KMO: variants seen among roughly 807,000 people sequenced by gnomAD.
KMO encodes kynurenine 3-hydroxylase.
A neutral mutation model predicts 57.8 loss-of-function variants in KMO; 24 were observed. The ratio of observed to expected loss-of-function variants is 0.42; its 90% CI spans 0.30 to 0.58. The LOEUF (loss-of-function observed/expected upper bound fraction) is 0.58. Ranked by LOEUF, KMO falls within the 20% of genes least tolerant of loss-of-function variation. KMO has a pLI of 0.22. For synonymous variants in KMO, 210 were observed against 193.6 expected (o/e 1.08, Z -0.70); for missense variants, 483 against 588.2 (o/e 0.82, Z 1.85).
At chr1:241,589,589 A>T (rs1402978357) in intron 12 of KMO, among the ~76,000 whole-genome samples, 1 of 152,214 alleles carries the variant, frequency 6.6e-6, no homozygotes, top group Non-Finnish European at 1.5e-5. Flanking sequence ...GCTACGACAC[A>T]GTATCTGTCC....
chr1:241,582,895 C>T (rs527584529), intron 10 of KMO, among the ~76,000 whole-genome samples: 9 of 152,218 alleles, frequency 5.9e-5, no homozygotes, highest in African/African-American at 1.9e-4. Flanking sequence ...ACATTCTTGG[C>T]TTGTTTGTAC....
chr1:241,579,581 T>A (rs981265093), intron 10 of KMO, among the ~76,000 whole-genome samples: 1 of 152,080 alleles, frequency 6.6e-6, no homozygotes, highest in Non-Finnish European at 1.5e-5. Flanking sequence ...AAGGCAGGTC[T>A]TACACCCACA....
intron 5 of KMO, among the ~76,000 whole-genome samples, chr1:241,557,139 C>G (rs1024153650): frequency 1.3e-5 from 2 of 151,742 alleles, no homozygotes; most frequent in Non-Finnish European, 2.9e-5. Context: ...TAAATAGAAC[C>G]CTGAAGTTGT....
At chr1:241,567,891 T>C (rs1324879548) in intron 9 of KMO, among the ~76,000 whole-genome samples, 1 of 152,232 alleles carries the variant, frequency 6.6e-6, no homozygotes, top group East Asian at 1.9e-4. Context: ...ATTTGTCTAC[T>C]TAGAGCTTCC....
intron 1 of KMO, among the ~76,000 whole-genome samples, chr1:241,543,521 C>T (rs1352952209): frequency 2.6e-5 from 4 of 152,064 alleles, no homozygotes; most frequent in Admixed American, 1.3e-4. Context: ...GATAGTCATT[C>T]GGGCTATTCC....
chr1:241,588,890 T>C (rs534011762), intron 12 of KMO, 60 bp downstream of exon 12: 69 of 1,278,444 alleles, frequency 5.4e-5, no homozygotes, highest in Non-Finnish European at 7.4e-5. Flanking sequence ...TAACAAGTGT[T>C]CTTTTCTTTT....
At chr1:241,534,248 A>C (rs767430206) in intron 1 of KMO, among the ~76,000 whole-genome samples, 2 of 152,216 alleles carry the variant, frequency 1.3e-5, no homozygotes, top group Non-Finnish European at 2.9e-5. Context: ...ACGTTAGCTC[A>C]AGACTTGGAC....
chr1:241,590,034 G>C lies in KMO; in HGVS notation c.1121G>C (p.Ser374Thr). Residue 374 changes from serine to threonine, a missense_variant, in exon 13 of 15, where the codon AGC becomes ACC. Around this residue, in one of 3 missense-constraint regions of KMO, gnomAD observed 410 missense variants for 492.3 expected, o/e 0.83. Coordinates refer to ENST00000366559, the MANE Select transcript of KMO (RefSeq NM_003679.5). ...YIEMRAHVNS[S>T]WFIFQKNMER... ...CAGATGCGAGCACATGTCAACTCAA[G>C]CTGGTTCATTTTTCAGAAGAACATG... The C allele has an allele frequency of 6.2e-7, 1 of 1,613,954 alleles. No individual in the cohort carries two copies. The highest frequency in any genetic ancestry group is 8.5e-7 in the Non-Finnish European group (1 of 1,179,888).
chr1:241,549,552 T>C, intron 2 of KMO, 125 bp from the exon 3 acceptor site: 1 of 465,196 alleles, frequency 2.1e-6, no homozygotes, highest in East Asian at 3.3e-5. Flanking sequence ...GCATTTTCTT[T>C]AGAAGAGTTA....
intron 14 of KMO, among the ~76,000 whole-genome samples, chr1:241,590,475 A>G (rs1163400801): frequency 1.3e-5 from 2 of 152,236 alleles, no homozygotes; most frequent in Non-Finnish European, 2.9e-5. Context: ...GAAGGGAAGA[A>G]TCTCAAGATA....
At chr1:241,537,124 T>A (rs3014573) in intron 1 of KMO, among the ~76,000 whole-genome samples, 29 of 151,984 alleles carry the variant, frequency 1.9e-4, no homozygotes, top group East Asian at 1.9e-4. Flanking sequence ...AGCTGGACAC[T>A]CAGGAAATCT....
chr1:241,589,910 T>C, intron 12 of KMO, 102 bp from the exon 13 acceptor site: 1 of 894,196 alleles, frequency 1.1e-6, no homozygotes, highest in South Asian at 1.4e-5. Context: ...GACTACTTTG[T>C]GTTTGGCATT....
intron 4 of KMO, among the ~76,000 whole-genome samples, chr1:241,554,143 G>A (rs2147953198): frequency 6.6e-6 from 1 of 152,236 alleles, no homozygotes; most frequent in African/African-American, 2.4e-5. Context: ...TTAAAAATTA[G>A]ATTTTATGGG....
rs1007879337 is a variant in KMO at position 241,540,029 on chromosome 1, A to G, written c.54+7531A>G. Reference sequence around the variant, plus strand: ...TACTTCAGACATCTTTTGACGTGGAAATGTATTTAGAGTACACTTTTCATT... The same window carrying G: ...TACTTCAGACATCTTTTGACGTGGAGATGTATTTAGAGTACACTTTTCATT... On this transcript the variant is annotated intron_variant, in intron 1 of 14. Coordinates refer to ENST00000366559, the MANE Select transcript of KMO (RefSeq NM_003679.5). 7.2e-5 allele frequency among the ~76,000 whole-genome samples: 11 copies of G among 152,326 alleles called. No individual in the cohort carries two copies. The East Asian group carries it at 7.7e-4, about 11-fold the overall frequency.
chr1:241,534,840 A>G (rs1344980045), intron 1 of KMO, among the ~76,000 whole-genome samples: 2 of 152,238 alleles, frequency 1.3e-5, no homozygotes, highest in African/African-American at 2.4e-5. Context: ...CATTACAAAT[A>G]AAATAAAACC....
chr1:241,568,766 A>G, intron 10 of KMO, 119 bp downstream of exon 10: 1 of 966,766 alleles, frequency 1.0e-6, no homozygotes, highest in Non-Finnish European at 1.5e-6. Context: ...AGCACAATCA[A>G]TTCAGCAATC....
At chr1:241,560,353 T>C (rs1267954308) in intron 5 of KMO, among the ~76,000 whole-genome samples, 1 of 152,186 alleles carries the variant, frequency 6.6e-6, no homozygotes, top group Admixed American at 6.5e-5. Flanking sequence ...ACTTCTGAAA[T>C]ATGTGATGCT....
chr1:241,564,427 C>T (rs1387643323), intron 7 of KMO, among the ~76,000 whole-genome samples: 3 of 151,910 alleles, frequency 2.0e-5, no homozygotes, highest in African/African-American at 7.3e-5. Flanking sequence ...AGACTCTTCT[C>T]TATTATTTAT....
At chr1:241,588,702 A>G in intron 11 of KMO, 46 bp from the exon 12 acceptor site, 1 of 1,402,220 alleles carries the variant, frequency 7.1e-7, no homozygotes, top group South Asian at 1.2e-5. Context: ...AGAGTTCAGC[A>G]CATTTTTATA....
Sources: allele counts gnomAD v4.1 joint callset (sites outside exome capture counted in the v4.1 genomes callset), GRCh38; gene constraint gnomAD v4.1.1; regional missense constraint gnomAD v4.1.1; transcripts MANE v1.5; gene names NCBI Gene and HGNC (gene_info 2026-07-23, HGNC 2026-07-21).